CR2: variants seen among roughly 807,000 people sequenced by gnomAD.
CR2 encodes the protein complement receptor type 2.
Under a neutral mutation model 123.0 loss-of-function variants are expected in CR2, and 96 were observed. The observed-to-expected ratio is 0.78, with a 90% CI of 0.66 to 0.93. The LOEUF (loss-of-function observed/expected upper bound fraction) is 0.93. CR2 is among the 40% of genes least tolerant of loss of function. The pLI, the probability that CR2 is intolerant of heterozygous loss-of-function variation, is 0.00. For synonymous variants in CR2, 484 were observed against 469.5 expected (o/e 1.03, Z -0.40); for missense variants, 1,258 against 1,361.0 (o/e 0.92, Z 1.19).
intron 1 of CR2, among the ~76,000 whole-genome samples, chr1:207,461,202 C>T (rs1217329402): frequency 6.6e-6 from 1 of 151,966 alleles, no homozygotes; most frequent in Non-Finnish European, 1.5e-5. Context: ...AAAAAAAAAT[C>T]AAAACATATG....
At chr1:207,487,241 A>G (rs770311670) in intron 19 of CR2, among the ~76,000 whole-genome samples, 3 of 152,208 alleles carry the variant, frequency 2.0e-5, no homozygotes, top group Non-Finnish European at 2.9e-5. Flanking sequence ...GGTAGGCCAA[A>G]AAAATGAGCC....
At chr1:207,474,609 T>C (rs1475913314) in intron 13 of CR2, among the ~76,000 whole-genome samples, 2 of 152,232 alleles carry the variant, frequency 1.3e-5, no homozygotes, top group African/African-American at 4.8e-5. Flanking sequence ...CTTCACACTT[T>C]ACTCTATTTT....
chr1:207,479,194 G>T (rs1658530919), intron 16 of CR2, 63 bp from the exon 17 acceptor site: 1 of 1,259,656 alleles, frequency 7.9e-7, no homozygotes. Context: ...CATGAAACGT[G>T]GGGCTACATT....
chr1:207,464,559 T>C (rs959916430), intron 1 of CR2, among the ~76,000 whole-genome samples: 1 of 152,256 alleles, frequency 6.6e-6, no homozygotes. Flanking sequence ...AGTTGATGTC[T>C]GGAGCTCTGG....
chr1:207,474,734 A>G, intron 13 of CR2, 90 bp from the exon 14 acceptor site: 3 of 1,319,290 alleles, frequency 2.3e-6, no homozygotes, highest in South Asian at 1.2e-5. Flanking sequence ...TGTGAAATAT[A>G]TGCAGTTGCA....
At chr1:207,469,013 G>T in intron 4 of CR2, 114 bp downstream of exon 4, 1 of 1,392,396 alleles carries the variant, frequency 7.2e-7, no homozygotes, top group Non-Finnish European at 1.0e-6. Flanking sequence ...GTCTGGGGTA[G>T]GGTTGTGAGA....
At chr1:207,482,731 A>G (rs1262726105) in intron 18 of CR2, among the ~76,000 whole-genome samples, 1 of 152,202 alleles carries the variant, frequency 6.6e-6, no homozygotes, top group African/African-American at 2.4e-5. Flanking sequence ...TAATCAGGAA[A>G]AGTTTCAGCG....
intron 1 of CR2, among the ~76,000 whole-genome samples, chr1:207,459,532 A>G (rs1657916897): frequency 6.6e-6 from 1 of 152,022 alleles, no homozygotes; most frequent in African/African-American, 2.4e-5. Flanking sequence ...TTTTTCATCC[A>G]TTTCAAATGG....
chr1:207,454,713 G>T lies in CR2; in HGVS notation c.58+237G>T. The T allele has an allele frequency of 2.2e-6, 1 of 464,870 alleles. No homozygotes were observed. Among genetic ancestry groups the T allele is most frequent in the Non-Finnish European group, 3.8e-6 (1 of 262,750 alleles). 28.8% of individuals were successfully genotyped at this position (464,870 alleles called of 1,614,324 possible). A position where few individuals can be genotyped will look rare whatever the true frequency, so the allele number is the denominator to read the frequency against. ...GGAGGCTGCGCCACAGAGGGGCGCTGTCTGGTCGGCCCGGTGTGGCTGGCG... is the reference window on the plus strand; with the variant it reads ...GGAGGCTGCGCCACAGAGGGGCGCTTTCTGGTCGGCCCGGTGTGGCTGGCG... On this transcript the variant is annotated intron_variant, in intron 1 of 19. Coordinates refer to ENST00000367057, the MANE Select transcript of CR2 (RefSeq NM_001006658.3). The surrounding 1 kb of genome is among the most constrained non-coding windows in gnomAD (Gnocchi z 4.3).
chr1:207,472,989 C>G lies in CR2; in HGVS notation c.1788C>G (p.Ser596=). 6.2e-7 allele frequency: 1 copy of G among 1,613,964 alleles called. No individual in the cohort carries two copies. ...WSGPAPLCKL[S]LLAVQCSHVH... ...GCCCTGCTCCCCTGTGTAAACTTTCCCTCCTTGCTGTCCAGTGCTCACATG... is the reference window on the plus strand; with the variant it reads ...GCCCTGCTCCCCTGTGTAAACTTTCGCTCCTTGCTGTCCAGTGCTCACATG... Residue 596 remains serine, a synonymous_variant, in exon 10 of 20, where the codon TCC becomes TCG. Transcript: ENST00000367057.
intron 5 of CR2, among the ~76,000 whole-genome samples, chr1:207,469,460 T>C (rs551632318): frequency 4.6e-5 from 7 of 152,314 alleles, no homozygotes; most frequent in Non-Finnish European, 1.0e-4. Context: ...GTAGACCATA[T>C]GCATAAAGAA....
At position 207,454,422 on chromosome 1, in the gene CR2, G is replaced by C. The variant is rs1474007485; in HGVS notation, c.4G>C (p.Gly2Arg). Residue 2 changes from glycine (G) to arginine (R), a missense_variant, in exon 1 of 20, where the codon GGC (glycine) becomes CGC (arginine). By Grantham distance (125) the Gly-to-Arg change is moderately radical. Transcript: ENST00000367057. This position sits in a 1 kb window ranked among gnomAD's most constrained non-coding sequence, Gnocchi z 4.3. ...CCGCGGGGGCTTCGGCCGTGGCATG[G>C]GCGCCGCGGGCCTGCTCGGGGTTTT... Reference protein sequence around the residue: MGAAGLLGVFLA... With the variant: MRAAGLLGVFLA... 8 of 1,583,082 alleles carry C rather than the reference G, an allele frequency of 5.1e-6. No individual in the cohort carries two copies. The highest frequency in any genetic ancestry group is 6.8e-6 in the Non-Finnish European group (8 of 1,171,574).
Position 207,466,598 on chromosome 1 carries a change from G to A in CR2, c.131G>A (p.Gly44Asp), listed in dbSNP as rs1658105510. 6.2e-7 allele frequency: 1 copy of A among 1,613,874 alleles called. No homozygotes were observed. The highest frequency in any genetic ancestry group is 8.5e-7 in the Non-Finnish European group (1 of 1,179,962). The change falls in exon 2 of 20, where the codon GGT becomes GAT. Residue 44 changes from glycine to aspartate, a missense_variant. By Grantham distance (94) the Gly-to-Asp change is moderately conservative. Transcript: ENST00000367057. ...ISYYSTPIAVGTVIRYSCSGT... is the reference protein window; with the variant it reads ...ISYYSTPIAVDTVIRYSCSGT... ...TATTATTCTACCCCCATTGCTGTTG[G>A]TACCGTGATAAGGTACAGTTGTTCA...
In CR2 at chr1:207,485,484, GC is replaced by G. The variant is rs1286830828; in HGVS notation, c.3211del (p.Gln1071ArgfsTer7). 3.7e-6 allele frequency: 6 copies of G among 1,610,238 alleles called. No individual in the cohort carries two copies. In the African/African-American group the frequency reaches 8.0e-5, roughly 21 times the overall value. On this transcript the variant is annotated frameshift_variant, in exon 19 of 20. Transcript: ENST00000367057. LOFTEE classifies it high-confidence loss of function. ...HRARNYYTDT[S>X]QKEAFHLEAR... ...TTTAGCAATTATTATACAGATACAA[GC>G]CAGAAAGAAGCTTTTCATTTAGAAG...
Position 207,454,380 on chromosome 1 carries a change from T to A in CR2, c.-39T>A. 6.5e-7 allele frequency: 1 copy of A among 1,545,456 alleles called. No individual in the cohort carries two copies. Among genetic ancestry groups the A allele is most frequent in the Non-Finnish European group, 8.7e-7 (1 of 1,148,560 alleles). Reference sequence around the variant, plus strand: ...CCCAGAGCTGCCGGACGCTCGCGGGTCTCGGAACGCATCCCGCCGCGGGGG... The same window carrying A: ...CCCAGAGCTGCCGGACGCTCGCGGGACTCGGAACGCATCCCGCCGCGGGGG... On this transcript the variant is annotated 5_prime_UTR_variant, in exon 1 of 20. Transcript: ENST00000367057. The surrounding 1 kb of genome is among the most constrained non-coding windows in gnomAD (Gnocchi z 4.3).
intron 1 of CR2, among the ~76,000 whole-genome samples, chr1:207,465,386 AATG>A (rs1323512129): frequency 7.0e-6 from 1 of 143,694 alleles, no homozygotes; most frequent in Admixed American, 7.3e-5. Context: ...CACCAAAGTC[AATG>A]ATTAGAGATT....
chr1:207,477,973 T>C lies in CR2; in HGVS notation c.2991T>C (p.Thr997=). The change falls in exon 16 of 20, where the codon ACT becomes ACC. Residue 997 remains threonine, a synonymous_variant. Transcript: ENST00000367057. The part of the protein sequence containing the change: ...RKMYQYGAVV[T]LECEDGYMLE... ...TGTATCAGTATGGAGCTGTTGTAAC[T>C]CTGGAGTGTGAAGATGGGTATATGC... 1 of 1,614,002 alleles carries C rather than the reference T, an allele frequency of 6.2e-7. No individual in the cohort carries two copies. The highest frequency in any genetic ancestry group is 1.1e-5 in the South Asian group (1 of 91,076).
At chr1:207,487,951 T>C (rs921064366) in intron 19 of CR2, among the ~76,000 whole-genome samples, 3 of 151,972 alleles carry the variant, frequency 2.0e-5, no homozygotes, top group African/African-American at 7.3e-5. Context: ...CAGGTGAGAG[T>C]GAGGCTCAGA....
intron 6 of CR2, 102 bp from the exon 7 acceptor site, chr1:207,470,638 G>T (rs17045132): frequency 4.4e-6 from 5 of 1,134,096 alleles, no homozygotes; most frequent in Non-Finnish European, 4.0e-6. Context: ...TACAGCTGAC[G>T]CCAGAGTGGA....
Sources: allele counts gnomAD v4.1 joint callset (sites outside exome capture counted in the v4.1 genomes callset), GRCh38; gene constraint gnomAD v4.1.1; non-coding constraint Gnocchi (gnomAD v3.1); transcripts MANE v1.5; gene names NCBI Gene and HGNC (gene_info 2026-07-23, HGNC 2026-07-21).